Variants in ADD1 observed in about 807,000 individuals in gnomAD.
The protein encoded by ADD1 is adducin 1.
A neutral mutation model predicts 80.5 loss-of-function variants in ADD1; 24 were observed. The ratio of observed to expected loss-of-function variants is 0.30; its 90% CI spans 0.22 to 0.42. The LOEUF (loss-of-function observed/expected upper bound fraction) is 0.42. Ranked by LOEUF, ADD1 falls within the 10% of genes least tolerant of loss-of-function variation. The pLI is 1.00. For synonymous variants in ADD1, 373 were observed against 393.8 expected (o/e 0.95, Z 0.63); for missense variants, 948 against 1,019.0 (o/e 0.93, Z 0.95).
intron 4 of ADD1, among the ~76,000 whole-genome samples, chr4:2,890,009 G>A (rs539883124): frequency 6.6e-6 from 1 of 151,618 alleles, no homozygotes; most frequent in South Asian, 2.1e-4. Context: ...GACCAGTGTG[G>A]CCAACATGTG....
chr4:2,849,905 C>T (rs150021022), intron 1 of ADD1, among the ~76,000 whole-genome samples: 17 of 152,182 alleles, frequency 1.1e-4, no homozygotes, highest in East Asian at 3.9e-4. Flanking sequence ...TTTTCTCCAT[C>T]GGAAAATTAA....
chr4:2,858,867 G>A (rs968297523), intron 1 of ADD1, among the ~76,000 whole-genome samples: 2 of 152,204 alleles, frequency 1.3e-5, no homozygotes, highest in Non-Finnish European at 2.9e-5. Flanking sequence ...GGACGTCTAT[G>A]TGCCAGACAT....
intron 1 of ADD1, among the ~76,000 whole-genome samples, chr4:2,849,726 T>A (rs1215276245): frequency 6.6e-6 from 1 of 152,234 alleles, no homozygotes; most frequent in Non-Finnish European, 1.5e-5. Context: ...AAAAATGTTT[T>A]CCCTCATCTG....
At chr4:2,907,160 C>T (rs1737196504) in intron 10 of ADD1, 1 of 152,256 alleles carries the variant, frequency 6.6e-6, no homozygotes, top group South Asian at 2.1e-4. Flanking sequence ...TTCGACATCA[C>T]CAAACTCTTC....
chr4:2,884,540 C>T lies in ADD1; in HGVS notation c.384C>T (p.Asn128=), dbSNP rs766430572. The T allele has an allele frequency of 1.6e-5, 25 of 1,607,602 alleles. No homozygotes were observed. The highest frequency in any genetic ancestry group is 6.7e-5 in the East Asian group (3 of 44,688). Residue 128 remains asparagine, a synonymous_variant, in exon 4 of 16, where the codon AAC becomes AAT. Transcript: ENST00000683351. ...GTCTTGGTATGGTGACTCCTGTGAACGATCTTAGAGGATCTGATTCTATTG... is the reference window on the plus strand; with the variant it reads ...GTCTTGGTATGGTGACTCCTGTGAATGATCTTAGAGGATCTGATTCTATTG... The part of the protein sequence containing the change: ...NMSLGMVTPV[N]DLRGSDSIAY...
chr4:2,884,613 T>G lies in ADD1; in HGVS notation c.457T>G (p.Tyr153Asp). Residue 153 changes from tyrosine to aspartate, a missense_variant, in exon 4 of 16, where the codon TAT (tyrosine) becomes GAT (aspartate). By Grantham distance (160) the Tyr-to-Asp change is radical. Coordinates refer to ENST00000683351, the MANE Select transcript of ADD1 (RefSeq NM_001354761.2). ...KLLRCKLAAF[Y>D]RLADLFGWSQ... ...ATTACGGTGTAAATTGGCAGCGTTT[T>G]ATAGACTAGCAGATCTCTTTGGGTG... The G allele has an allele frequency of 6.2e-7, 1 of 1,613,040 alleles. No homozygotes were observed. The highest frequency in any genetic ancestry group is 8.5e-7 in the Non-Finnish European group (1 of 1,179,384).
intron 13 of ADD1, 46 bp from the exon 14 acceptor site, chr4:2,914,838 C>T: frequency 6.5e-7 from 1 of 1,543,634 alleles, no homozygotes; most frequent in Non-Finnish European, 8.7e-7. Flanking sequence ...GGGAGAGTCC[C>T]CATCGGGCCG....
At chr4:2,893,915 C>T (rs1216595577) in intron 4 of ADD1, 98 bp from the exon 5 acceptor site, 1 of 1,078,654 alleles carries the variant, frequency 9.3e-7, no homozygotes, top group Non-Finnish European at 1.4e-6. Flanking sequence ...CTGCATAGCT[C>T]ACTCAGTGTT....
At chr4:2,908,378 A>G in intron 11 of ADD1, 137 bp from the exon 12 acceptor site, 1 of 725,708 alleles carries the variant, frequency 1.4e-6, no homozygotes, top group Non-Finnish European at 2.4e-6. Context: ...ACATGGGGCC[A>G]TCCTGCCTGC....
rs1712220399 is a variant in ADD1 at position 2,928,156 on chromosome 4, C to G, written c.2048-15C>G. On this transcript the variant is annotated splice_polypyrimidine_tract_variant and intron_variant, in intron 15 of 15. Coordinates refer to ENST00000683351, the MANE Select transcript of ADD1 (RefSeq NM_001354761.2). Reference sequence around the variant, plus strand: ...GGCAGGAACCCTTAATCCCATCTCTCACCTCACCCACTAGACCTTGTGCCG... The same window carrying G: ...GGCAGGAACCCTTAATCCCATCTCTGACCTCACCCACTAGACCTTGTGCCG... 1 of 1,612,092 alleles carries G rather than the reference C, an allele frequency of 6.2e-7. No homozygotes were observed.
chr4:2,901,695 C>G (rs1736198809), intron 9 of ADD1: 1 of 152,130 alleles, frequency 6.6e-6, no homozygotes, highest in Non-Finnish European at 1.5e-5. Flanking sequence ...CTCCTGTGAT[C>G]CCAGCACTTC....
chr4:2,926,652 C>T lies in ADD1; in HGVS notation c.2047+540C>T, dbSNP rs757229141. 53 of 1,613,680 alleles carry T rather than the reference C, an allele frequency of 3.3e-5. No individual in the cohort carries two copies. The highest frequency in any genetic ancestry group is 2.0e-4 in the South Asian group (18 of 91,002). ...CTGCGTCACAAGCAGGAGACGGATG[C>T]GCTAGAGAGTACCTGTTACCCTAGT... On this transcript the variant is annotated intron_variant, in intron 15 of 15. Transcript: ENST00000683351. This position sits in a 1 kb window ranked among gnomAD's most constrained non-coding sequence, Gnocchi z 5.0.
chr4:2,893,084 G>A (rs1467899364), intron 4 of ADD1, among the ~76,000 whole-genome samples: 2 of 151,670 alleles, frequency 1.3e-5, no homozygotes, highest in African/African-American at 2.4e-5. Flanking sequence ...AGGTGGCCAA[G>A]TTGTCTATTT....
intron 1 of ADD1, among the ~76,000 whole-genome samples, chr4:2,862,940 C>T (rs1729015129): frequency 6.6e-6 from 1 of 152,190 alleles, no homozygotes; most frequent in South Asian, 2.1e-4. Context: ...CATCCTTTGA[C>T]TCTGCTCCAG....
chr4:2,915,014 T>C lies in ADD1; in HGVS notation c.1922T>C (p.Val641Ala), dbSNP rs1318212415. The change falls in exon 14 of 16, where the codon GTG (valine) becomes GCG (alanine). Residue 641 changes from valine (V) to alanine (A), a missense_variant. By Grantham distance (64) the Val-to-Ala change is moderately conservative (BLOSUM62 0). Transcript: ENST00000683351. ...GAGCTGGAGGAGTACCGCAGGGAGG[T>C]GGAGAGGAAGCAGAAGGGCTCTGAA... ...DRELEEYRRE[V>A]ERKQKGSEEN... is the part of the protein sequence containing the mutation. 1.9e-5 allele frequency: 31 copies of C among 1,611,656 alleles called. No homozygotes were observed. Among genetic ancestry groups the C allele is most frequent in the Non-Finnish European group, 2.5e-5 (30 of 1,179,236 alleles).
intron 1 of ADD1, among the ~76,000 whole-genome samples, chr4:2,845,231 C>A (rs1726012039): frequency 6.6e-6 from 1 of 152,126 alleles, no homozygotes; most frequent in Admixed American, 6.5e-5. Context: ...CGCCACCACG[C>A]CCAGCTAATT....
chr4:2,909,145 G>A, intron 12 of ADD1, 194 bp from the exon 13 acceptor site: 1 of 598,060 alleles, frequency 1.7e-6, no homozygotes, highest in South Asian at 2.0e-5. Context: ...TGCAGGGGTA[G>A]ACGATTGTTG....
intron 14 of ADD1, among the ~76,000 whole-genome samples, chr4:2,916,607 A>C (rs1159273247): frequency 4.6e-5 from 7 of 152,154 alleles, no homozygotes; most frequent in African/African-American, 2.4e-5. Flanking sequence ...ATAGGTATAC[A>C]CGTGCCGTGG....
chr4:2,904,777 G>C lies in ADD1; in HGVS notation c.1175G>C (p.Gly392Ala). 1 of 1,613,938 alleles carries C rather than the reference G, an allele frequency of 6.2e-7. No individual in the cohort carries two copies. Among genetic ancestry groups the C allele is most frequent in the Non-Finnish European group, 8.5e-7 (1 of 1,179,856 alleles). ...RMLDNLGYRT[G>A]YPYRYPALRE... Reference sequence around the variant, plus strand: ...CTTGGACCCTAGGGCTACAGAACTGGCTACCCTTATCGATACCCTGCTCTG... The same window carrying C: ...CTTGGACCCTAGGGCTACAGAACTGCCTACCCTTATCGATACCCTGCTCTG... Residue 392 changes from glycine to alanine, a missense_variant, in exon 10 of 16, where the codon GGC becomes GCC. Coordinates refer to ENST00000683351, the MANE Select transcript of ADD1 (RefSeq NM_001354761.2).
Sources: gnomAD v4.1 joint callset for allele counts (sites outside exome capture counted in the v4.1 genomes callset) on GRCh38, gnomAD v4.1.1 for gene constraint, Gnocchi (gnomAD v3.1) non-coding constraint, MANE v1.5 for transcripts, NCBI Gene and HGNC (gene_info 2026-07-23, HGNC 2026-07-21) for gene names.